The following CHKB variants were observed in gnomAD, a reference collection of about 807,000 sequenced individuals.
CHKB encodes the protein choline kinase beta.
A neutral mutation model predicts 57.3 loss-of-function variants in CHKB; 45 were observed. The ratio of observed to expected loss-of-function variants is 0.79; its 90% CI spans 0.62 to 1.01. CHKB has a LOEUF of 1.01. Ranked by LOEUF, CHKB falls within the 50% of genes least tolerant of loss-of-function variation. The pLI, the probability that CHKB is intolerant of heterozygous loss-of-function variation, is 0.00. For missense variants in CHKB, 517 were observed against 502.8 expected (o/e 1.03, Z -0.27); for synonymous variants, 224 against 201.8 (o/e 1.11, Z -0.93).
In CHKB at chr22:50,580,191, T is replaced by C. The variant is rs2070655013; in HGVS notation, c.817A>G (p.Arg273Gly). ...VDFEYSSYNY[R>G]GFDIGNHFCE... is the part of the protein sequence containing the mutation. The stretch of plus-strand genomic sequence containing the variant: ...GGGAAGCCATCTTTCCAGCCTCACC[T>C]ATAGTTATAACTGCTGTACTCGAAG... The change falls in exon 7 of 11, where the codon AGG becomes GGG. Residue 273 changes from arginine to glycine, a missense_variant and splice_region_variant. Physicochemically the swap from Arg to Gly is moderately radical, Grantham distance 125. Transcript: ENST00000406938. 6.2e-7 allele frequency: 1 copy of C among 1,613,736 alleles called. No homozygotes were observed.
chr22:50,581,416 T>TCA lies in CHKB; in HGVS notation c.581+2_581+3dup, dbSNP rs778571646. The TCA allele has an allele frequency of 6.2e-7, 1 of 1,613,068 alleles. No homozygotes were observed. The highest frequency in any genetic ancestry group is 1.1e-5 in the South Asian group (1 of 91,002). ...CAGGAGCCCTGAGGAGGCTCCTGAC[T>TCA]CACCGCTCCATGGTCCCAAACAGCC... On this transcript the variant is annotated splice_donor_region_variant and intron_variant, in intron 4 of 10. Coordinates refer to ENST00000406938, the MANE Select transcript of CHKB (RefSeq NM_005198.5).
chr22:50,581,994 G>T, intron 2 of CHKB, 132 bp from the exon 3 acceptor site: 2 of 865,748 alleles, frequency 2.3e-6, no homozygotes, highest in Non-Finnish European at 1.9e-6. Context: ...AGGCTTTAGC[G>T]TTGGTCTATT....
intron 4 of CHKB, 51 bp downstream of exon 4, chr22:50,581,369 A>G (rs2070686834): frequency 1.2e-6 from 2 of 1,608,212 alleles, no homozygotes; most frequent in East Asian, 2.2e-5. Context: ...ATCCGCTGGC[A>G]TGGAGGTTCA....
In CHKB at chr22:50,579,109, T is replaced by A; in HGVS notation, c.*72A>T. On this transcript the variant is annotated 3_prime_UTR_variant, in exon 11 of 11. Coordinates refer to ENST00000406938, the MANE Select transcript of CHKB (RefSeq NM_005198.5). ...GCTCAGCCCAGTCGCCAGGGCCTTC[T>A]GCTCGTTGTTCCTCCCTCCAAGGTC... 1 of 1,450,302 alleles carries A rather than the reference T, an allele frequency of 6.9e-7. No homozygotes were observed. Among genetic ancestry groups the A allele is most frequent in the Admixed American group, 1.9e-5 (1 of 53,752 alleles). 89.8% of individuals were successfully genotyped at this position (1,450,302 alleles called of 1,614,324 possible).
At position 50,580,713 on chromosome 22, in the gene CHKB, G is replaced by T. The variant is rs74846249; in HGVS notation, c.582-53C>A. 0.025 allele frequency: 38,080 copies of T among 1,529,150 alleles called. 3,034 individuals are homozygous for T. The African/African-American group carries it at 0.25, about 10-fold the overall frequency. The allele number at this position is 1,529,150 out of a possible 1,614,324, so 94.7% of individuals were successfully genotyped here. The stretch of plus-strand genomic sequence containing the variant: ...GCTCTGCTATTCTTTCCCACCCCTC[G>T]CCTATCTACCCCTCAGGCCAGACTA... On this transcript the variant is annotated intron_variant, in intron 4 of 10. Transcript: ENST00000406938.
rs1460255059 is a variant in CHKB, at chr22:50,582,612, A to C, written c.170T>G (p.Leu57Trp). The C allele has an allele frequency of 1.9e-6, 3 of 1,610,984 alleles. No individual in the cohort carries two copies. The part of the protein sequence containing the change: ...RRAYQWCREY[L>W]GGAWRRVQPE... Reference sequence around the variant, plus strand: ...CTGCACTCGGCGCCAGGCCCCGCCCAAGTACTCCCGGCACCATTGGTAGGC... The same window carrying C: ...CTGCACTCGGCGCCAGGCCCCGCCCCAGTACTCCCGGCACCATTGGTAGGC... Residue 57 changes from leucine (L) to tryptophan (W), a missense_variant, in exon 1 of 11, where the codon TTG (leucine) becomes TGG (tryptophan). Leu to Trp is a moderately conservative substitution (Grantham distance 61). Transcript: ENST00000406938.
intron 4 of CHKB, 78 bp downstream of exon 4, chr22:50,581,342 G>GA: frequency 6.3e-7 from 1 of 1,576,240 alleles, no homozygotes; most frequent in Non-Finnish European, 8.6e-7. Context: ...TGGAGGGCTG[G>GA]ATAGAGCCCC....
At position 50,580,225 on chromosome 22, in the gene CHKB, C is replaced by G. The variant is rs755024138; in HGVS notation, c.783G>C (p.Met261Ile). The part of the protein sequence containing the change: ...LSEPENADSL[M>I]LVDFEYSSYN... ...AACTGCTGTACTCGAAGTCCACCAGCATGAGGCTGTCAGCATTTTCTGGCT... is the reference window on the plus strand; with the variant it reads ...AACTGCTGTACTCGAAGTCCACCAGGATGAGGCTGTCAGCATTTTCTGGCT... The change falls in exon 7 of 11, where the codon ATG (methionine) becomes ATC (isoleucine). Residue 261 changes from methionine to isoleucine, a missense_variant. Physicochemically the swap from Met to Ile is conservative, Grantham distance 10. Transcript: ENST00000406938. 2 of 1,613,986 alleles carry G rather than the reference C, an allele frequency of 1.2e-6. No individual in the cohort carries two copies. The highest frequency in any genetic ancestry group is 3.3e-5 in the Admixed American group (2 of 60,026).
rs1180051901 is a variant in CHKB, at chr22:50,582,262, C to T, written c.320G>A (p.Gly107Glu). 6.3e-7 allele frequency: 1 copy of T among 1,591,928 alleles called. No homozygotes were observed. The highest frequency in any genetic ancestry group is 8.5e-7 in the Non-Finnish European group (1 of 1,171,490). ...CACCCCCCTCACCTGCAAGATGGCT[C>T]CGTACAGCCGCAGAAGCACCTCCCG... is the stretch of plus-strand genomic sequence containing the variant. The part of the protein sequence containing the change: ...EPREVLLRLY[G>E]AILQGVDSLV... The change falls in exon 2 of 11, where the codon GGA becomes GAA. Residue 107 changes from glycine (G) to glutamate (E), a missense_variant. Gly to Glu is a moderately conservative substitution (Grantham distance 98). Coordinates refer to ENST00000406938, the MANE Select transcript of CHKB (RefSeq NM_005198.5).
chr22:50,580,797 T>C (rs2070676466), intron 4 of CHKB, 137 bp from the exon 5 acceptor site: 5 of 815,596 alleles, frequency 6.1e-6, no homozygotes, highest in Non-Finnish European at 8.1e-6. Context: ...TTTTTTCTTT[T>C]GAAATGGAGT....
rs758563051 is a variant in CHKB, at chr22:50,579,248, G to GC, written c.1120dup (p.Ala374GlyfsTer55). 1 of 1,613,622 alleles carries GC rather than the reference G, an allele frequency of 6.2e-7. No individual in the cohort carries two copies. The highest frequency in any genetic ancestry group is 8.5e-7 in the Non-Finnish European group (1 of 1,179,782). ...GAAGTAGAACTGGAACCGAGACTGG[G>GC]CATAGTCCTAGGGAAGGAAACCCAC... On this transcript the variant is annotated frameshift_variant, in exon 11 of 11. Coordinates refer to ENST00000406938, the MANE Select transcript of CHKB (RefSeq NM_005198.5). LOFTEE classifies it high-confidence loss of function.
rs41281533 is a variant in CHKB, at chr22:50,578,973, A to C, written c.*208T>G. ...AGGGCCAGGACAGGGTGGGAAGAAG[A>C]AGCTTGTTTATTGTGTTACATACAC... On this transcript the variant is annotated 3_prime_UTR_variant, in exon 11 of 11. Coordinates refer to ENST00000406938, the MANE Select transcript of CHKB (RefSeq NM_005198.5). 2,574 of 618,208 alleles carry C rather than the reference A, an allele frequency of 4.2e-3. 10 individuals carry two copies. Among genetic ancestry groups the C allele is most frequent in the African/African-American group, 7.8e-3 (426 of 54,598 alleles). 38.3% of individuals were successfully genotyped at this position (618,208 alleles called of 1,614,324 possible). A position where few individuals can be genotyped will look rare whatever the true frequency, so the allele number is the denominator to read the frequency against.
Position 50,580,386 on chromosome 22 carries a change from G to T in CHKB, c.708C>A (p.Val236=). The T allele has an allele frequency of 6.2e-7, 1 of 1,613,934 alleles. No individual in the cohort carries two copies. The highest frequency in any genetic ancestry group is 1.1e-5 in the South Asian group (1 of 91,018). The change falls in exon 6 of 11, where the codon GTC becomes GTA. Residue 236 remains valine, a synonymous_variant. Coordinates refer to ENST00000406938, the MANE Select transcript of CHKB (RefSeq NM_005198.5). The part of the protein sequence containing the change: ...RKLLESTPSP[V]VFCHNDIQEG... ...CCTGGATGTCATTGTGGCAGAAGAC[G>T]ACTGGCGATGGGGTAGACTCTAGTA...
At chr22:50,582,842 TTCCTTCCGGCCGCGCTC>T (rs2070731592) in exon 1 of CHKB, 1 of 1,288,314 alleles carries the variant, frequency 7.8e-7, no homozygotes, top group East Asian at 4.4e-5. Flanking sequence ...ACGGGCTCGG[TTCCTTCCGGCCGCGCTC>T]GGCTCCTCTT....
In CHKB at chr22:50,582,585, G is replaced by A; in HGVS notation, c.197C>T (p.Pro66Leu). 6.2e-7 allele frequency: 1 copy of A among 1,610,256 alleles called. No individual in the cohort carries two copies. The highest frequency in any genetic ancestry group is 8.5e-7 in the Non-Finnish European group (1 of 1,178,876). Reference sequence around the variant, plus strand: ...CACGGGGTAAACCCTCAGCTCCTCGGGCTGCACTCGGCGCCAGGCCCCGCC... The same window carrying A: ...CACGGGGTAAACCCTCAGCTCCTCGAGCTGCACTCGGCGCCAGGCCCCGCC... ...YLGGAWRRVQPEELRVYPVSG... is the reference protein window; with the variant it reads ...YLGGAWRRVQLEELRVYPVSG... The change falls in exon 1 of 11, where the codon CCC becomes CTC. Residue 66 changes from proline to leucine, a missense_variant. Transcript: ENST00000406938.
Position 50,582,816 on chromosome 22 carries a change from G to T in CHKB, c.-35C>A. 2 of 1,527,422 alleles carry T rather than the reference G, an allele frequency of 1.3e-6. No individual in the cohort carries two copies. Among genetic ancestry groups the T allele is most frequent in the South Asian group, 1.2e-5 (1 of 83,318 alleles). 94.6% of individuals were successfully genotyped at this position (1,527,422 alleles called of 1,614,324 possible). A position where few individuals can be genotyped will look rare whatever the true frequency, so the allele number is the denominator to read the frequency against. On this transcript the variant is annotated 5_prime_UTR_variant, in exon 1 of 11. Transcript: ENST00000406938. Reference sequence around the variant, plus strand: ...TCGACCGGGCCCCAGGCCAGGCTGCGCTCCGCTCCCTTCGGACGGGCTCGG... The same window carrying T: ...TCGACCGGGCCCCAGGCCAGGCTGCTCTCCGCTCCCTTCGGACGGGCTCGG...
At chr22:50,582,030 ATG>A (rs774357905) in intron 2 of CHKB, 168 bp from the exon 3 acceptor site, 1 of 776,448 alleles carries the variant, frequency 1.3e-6, no homozygotes, top group Non-Finnish European at 2.3e-6. Flanking sequence ...GGGTCTCACT[ATG>A]TTGTCCAGGC....
At position 50,579,240 on chromosome 22, in the gene CHKB, G is replaced by C. The variant is rs766848672; in HGVS notation, c.1129C>G (p.Arg377Gly). The part of the protein sequence containing the change: ...EFGYLDYAQS[R>G]FQFYFQQKGQ... ...TTCTGCTGGAAGTAGAACTGGAACC[G>C]AGACTGGGCATAGTCCTAGGGAAGG... The change falls in exon 11 of 11, where the codon CGG (arginine) becomes GGG (glycine). Residue 377 changes from arginine to glycine, a missense_variant. Transcript: ENST00000406938. 6.2e-7 allele frequency: 1 copy of C among 1,613,772 alleles called. No homozygotes were observed. The highest frequency in any genetic ancestry group is 1.1e-5 in the South Asian group (1 of 91,024).
chr22:50,581,262 C>T (rs1314830220), intron 4 of CHKB, among the ~76,000 whole-genome samples, 158 bp downstream of exon 4: 1 of 152,202 alleles, frequency 6.6e-6, no homozygotes, highest in Admixed American at 6.5e-5. Context: ...GCATGAGGCA[C>T]TGCATGTGGC....
Sources: allele counts gnomAD v4.1 joint callset (sites outside exome capture counted in the v4.1 genomes callset), GRCh38; gene constraint gnomAD v4.1.1; transcripts MANE v1.5; gene names NCBI Gene and HGNC (gene_info 2026-07-23, HGNC 2026-07-21).